The following KNL1 variants were observed in gnomAD, a reference collection of about 807,000 sequenced individuals.
KNL1 encodes the protein kinetochore scaffold 1, also known as outer kinetochore KNL1 complex subunit KNL1.
In KNL1, 66 loss-of-function variants were observed where a neutral mutation model predicts 201.3. The ratio of observed to expected loss-of-function variants is 0.33; its 90% CI spans 0.27 to 0.40. The LOEUF is 0.40. Among genes scored for constraint, KNL1 ranks in the 10% least tolerant of loss-of-function variants. The probability of loss-of-function intolerance (pLI) is 1.00; values close to 1 mark genes in which losing one functional copy is unlikely to be tolerated. For synonymous variants in KNL1, 895 were observed against 899.2 expected (o/e 1.00, Z 0.08); for missense variants, 2,815 against 2,690.5 (o/e 1.05, Z -1.02).
rs148683869 is a variant in KNL1 at position 40,651,410 on chromosome 15, T to C, written c.6213-61T>C. On this transcript the variant is annotated intron_variant, in intron 19 of 25. Transcript: ENST00000399668. ...GACTTCTTATCATAAACCTTTTATA[T>C]TGATAGAGTGAATTCTCTAACAAAA... is the stretch of plus-strand genomic sequence containing the variant. The C allele has an allele frequency of 1.2e-3, 1,303 of 1,107,878 alleles. 9 individuals are homozygous for C. The African/African-American group carries it at 0.019, about 16-fold the overall frequency. The allele number at this position is 1,107,878 out of a possible 1,614,324, so 68.6% of individuals were successfully genotyped here.
chr15:40,627,491 G>T (rs1313364219), intron 10 of KNL1, among the ~76,000 whole-genome samples: 1 of 150,268 alleles, frequency 6.7e-6, no homozygotes, highest in Non-Finnish European at 1.5e-5. Flanking sequence ...TCCAGCCTGG[G>T]CAACGGAGTG....
Position 40,623,100 on chromosome 15 carries a change from G to C in KNL1, c.2836G>C (p.Val946Leu), listed in dbSNP as rs368139453. Reference sequence around the variant, plus strand: ...GCCTATGGACAAAACTGTAGTGTTTGTAGATAATCATGTTGAACTAGAAAT... The same window carrying C: ...GCCTATGGACAAAACTGTAGTGTTTCTAGATAATCATGTTGAACTAGAAAT... ...TRPMDKTVVF[V>L]DNHVELEMTE... is the part of the protein sequence containing the mutation. Residue 946 changes from valine (V) to leucine (L), a missense_variant, in exon 10 of 26, where the codon GTA becomes CTA. Physicochemically the swap from Val to Leu is conservative, Grantham distance 32 (BLOSUM62 1). Transcript: ENST00000399668. The C allele has an allele frequency of 6.2e-7, 1 of 1,613,844 alleles. No homozygotes were observed. Among genetic ancestry groups the C allele is most frequent in the Non-Finnish European group, 8.5e-7 (1 of 1,179,862 alleles).
Position 40,624,208 on chromosome 15 carries a change from T to C in KNL1, c.3944T>C (p.Leu1315Ser), listed in dbSNP as rs746976352. The change falls in exon 10 of 26, where the codon TTG becomes TCG. Residue 1315 changes from leucine to serine, a missense_variant. Around this residue, in one of 3 missense-constraint regions of KNL1, gnomAD observed 2,464 missense variants for 2,291.7 expected, o/e 1.08. Transcript: ENST00000399668. ...AATGTTATTTCCTGTACTGATAATT[T>C]GGAGGGTAGTGCCATGCTCTTATGT... is the stretch of plus-strand genomic sequence containing the variant. ...LPNVISCTDN[L>S]EGSAMLLCDK... The C allele has an allele frequency of 3.1e-6, 5 of 1,613,982 alleles. 1 individual carries two copies. The South Asian group carries it at 5.5e-5, about 18-fold the overall frequency.
intron 1 of KNL1, 126 bp from the exon 2 acceptor site, chr15:40,602,789 C>T: frequency 1.8e-6 from 1 of 552,556 alleles, no homozygotes; most frequent in Non-Finnish European, 3.2e-6. Flanking sequence ...CCGGCCTTTC[C>T]TTCCCATCTT....
Position 40,623,453 on chromosome 15 carries a change from G to A in KNL1, c.3189G>A (p.Gln1063=). ...FLNEPLSSKS[Q]RRKSLKLKND... is the part of the protein sequence containing the mutation. ...ATGAACCTCTATCAAGCAAAAGTCAGAGAAGAAAAAGCCTTAAGCTAAAAA... is the reference window on the plus strand; with the variant it reads ...ATGAACCTCTATCAAGCAAAAGTCAAAGAAGAAAAAGCCTTAAGCTAAAAA... The change falls in exon 10 of 26, where the codon CAG becomes CAA. Residue 1063 remains glutamine, a synonymous_variant. Transcript: ENST00000399668. 6.2e-7 allele frequency: 1 copy of A among 1,611,138 alleles called. No homozygotes were observed. Among genetic ancestry groups the A allele is most frequent in the South Asian group, 1.1e-5 (1 of 90,736 alleles).
intron 14 of KNL1, among the ~76,000 whole-genome samples, chr15:40,641,724 A>C (rs1893234488): frequency 6.6e-6 from 1 of 152,204 alleles, no homozygotes; most frequent in African/African-American, 2.4e-5. Flanking sequence ...AATAGTCCAA[A>C]ATCCAAAACA....
chr15:40,623,737 C>T lies in KNL1; in HGVS notation c.3473C>T (p.Thr1158Ile), dbSNP rs771381638. Reference sequence around the variant, plus strand: ...CCCATGGACAAAACCGTATTGTTCACAGATAATTACAGTGATCTGGAAGTC... The same window carrying T: ...CCCATGGACAAAACCGTATTGTTCATAGATAATTACAGTGATCTGGAAGTC... ...IRPMDKTVLF[T>I]DNYSDLEVTD... The change falls in exon 10 of 26, where the codon ACA (threonine) becomes ATA (isoleucine). Residue 1158 changes from threonine (T) to isoleucine (I), a missense_variant. Transcript: ENST00000399668. 1.9e-6 allele frequency: 3 copies of T among 1,613,946 alleles called. No homozygotes were observed. The highest frequency in any genetic ancestry group is 2.2e-5 in the South Asian group (2 of 91,056).
At chr15:40,606,336 A>G (rs1891970354) in intron 3 of KNL1, 57 bp from the exon 4 acceptor site, 1 of 1,046,626 alleles carries the variant, frequency 9.6e-7, no homozygotes, top group Non-Finnish European at 1.5e-6. Context: ...CTTGAAATAA[A>G]CTGATTCTTA....
In KNL1 at chr15:40,621,947, TAGAA is replaced by T; in HGVS notation, c.1687_1690del (p.Lys563LeufsTer11). ...ATCCTTTGTCTATTTCATTGACTGATAGAAAGACTGAACTCTTATCAGGTGAAAA... is the reference window on the plus strand; with the variant it reads ...ATCCTTTGTCTATTTCATTGACTGATAGACTGAACTCTTATCAGGTGAAAA... On this transcript the variant is annotated frameshift_variant, in exon 10 of 26. Coordinates refer to ENST00000399668, the MANE Select transcript of KNL1 (RefSeq NM_144508.5). LOFTEE classifies it high-confidence loss of function. 6.2e-7 allele frequency: 1 copy of T among 1,613,864 alleles called. No homozygotes were observed. The highest frequency in any genetic ancestry group is 8.5e-7 in the Non-Finnish European group (1 of 1,179,816).
intron 14 of KNL1, 136 bp from the exon 15 acceptor site, chr15:40,644,861 C>G: frequency 2.0e-6 from 1 of 511,638 alleles, no homozygotes; most frequent in South Asian, 2.5e-5. Context: ...TTAACAACAT[C>G]TCAGCAAAAC....
chr15:40,636,090 G>A (rs997746521), intron 13 of KNL1, among the ~76,000 whole-genome samples: 2 of 151,802 alleles, frequency 1.3e-5, no homozygotes, highest in African/African-American at 4.8e-5. Flanking sequence ...TGCCTGCCTC[G>A]GCCTCCCAAA....
At position 40,661,999 on chromosome 15, in the gene KNL1, A is replaced by G. The variant is rs557281524; in HGVS notation, c.6837-75A>G. ...GAGCTTGCAGTGAGCGGATTGCGCC[A>G]CTGCACTCCAGCCTGGGCGACAGAG... On this transcript the variant is annotated intron_variant, in intron 25 of 25. Coordinates refer to ENST00000399668, the MANE Select transcript of KNL1 (RefSeq NM_144508.5). 17 of 785,984 alleles carry G rather than the reference A, an allele frequency of 2.2e-5. 1 individual carries two copies. In the South Asian group the frequency reaches 2.4e-4, roughly 11 times the overall value. The allele number at this position is 785,984 out of a possible 1,614,324, so 48.7% of individuals were successfully genotyped here.
At position 40,625,077 on chromosome 15, in the gene KNL1, A is replaced by G. The variant is rs1393440902; in HGVS notation, c.4813A>G (p.Ile1605Val). The change falls in exon 10 of 26, where the codon ATA becomes GTA. Residue 1605 changes from isoleucine (I) to valine (V), a missense_variant. Coordinates refer to ENST00000399668, the MANE Select transcript of KNL1 (RefSeq NM_144508.5). ...TATGCATATAGTGCAAGCTACAGAAATACATAATATTAACATAATCTCCAG... is the reference window on the plus strand; with the variant it reads ...TATGCATATAGTGCAAGCTACAGAAGTACATAATATTAACATAATCTCCAG... ...NDMHIVQATE[I>V]HNINIISSNA... 2 of 1,613,636 alleles carry G rather than the reference A, an allele frequency of 1.2e-6. No individual in the cohort carries two copies. The highest frequency in any genetic ancestry group is 4.5e-5 in the East Asian group (2 of 44,876).
intron 13 of KNL1, among the ~76,000 whole-genome samples, chr15:40,635,342 A>G (rs1017660637): frequency 1.3e-5 from 2 of 151,062 alleles, no homozygotes; most frequent in African/African-American, 4.9e-5. Flanking sequence ...TTGAGCCACC[A>G]TGCCCGGCCT....
chr15:40,633,973 A>G lies in KNL1; in HGVS notation c.5682+4602A>G, dbSNP rs1376977492. ...AGGAGATGATAGCTCCATGGGTGTT[A>G]TTATTTCTCAAGACCTTCCAGTAGG... On this transcript the variant is annotated intron_variant, in intron 13 of 25. Transcript: ENST00000399668. Among the ~76,000 whole-genome samples the G allele has an allele frequency of 2.6e-5, 4 of 152,236 alleles. No individual in the cohort carries two copies. The South Asian group carries it at 6.2e-4, about 24-fold the overall frequency.
In KNL1 at chr15:40,625,313, C is replaced by G. The variant is rs1892708608; in HGVS notation, c.5049C>G (p.His1683Gln). ...QIPADTTDIN[H>Q]LETQPVSSKD... The stretch of plus-strand genomic sequence containing the variant: ...CAGCAGACACAACTGATATAAATCA[C>G]TTAGAAACTCAGCCGGTCTCTAGCA... The change falls in exon 10 of 26, where the codon CAC becomes CAG. Residue 1683 changes from histidine (H) to glutamine (Q), a missense_variant. Transcript: ENST00000399668. 1 of 1,614,038 alleles carries G rather than the reference C, an allele frequency of 6.2e-7. No individual in the cohort carries two copies. The highest frequency in any genetic ancestry group is 2.2e-5 in the East Asian group (1 of 44,866).
Position 40,625,143 on chromosome 15 carries a change from C to T in KNL1, c.4879C>T (p.His1627Tyr). 1 of 1,614,030 alleles carries T rather than the reference C, an allele frequency of 6.2e-7. No individual in the cohort carries two copies. Among genetic ancestry groups the T allele is most frequent in the South Asian group, 1.1e-5 (1 of 91,054 alleles). ...TAGAGATGAGGAAAATAAAAAGTCT[C>T]ATAATGGAGCTGAAACCACCTCTCT... is the stretch of plus-strand genomic sequence containing the variant. Reference protein sequence around the residue: ...DSRDEENKKSHNGAETTSLPP... With the variant: ...DSRDEENKKSYNGAETTSLPP... Residue 1627 changes from histidine to tyrosine, a missense_variant, in exon 10 of 26, where the codon CAT (histidine) becomes TAT (tyrosine). His to Tyr is a moderately conservative substitution (Grantham distance 83). Around this residue, in one of 3 missense-constraint regions of KNL1, gnomAD observed 2,464 missense variants for 2,291.7 expected, o/e 1.08. Coordinates refer to ENST00000399668, the MANE Select transcript of KNL1 (RefSeq NM_144508.5).
rs752019033 is a variant in KNL1, at chr15:40,625,220, C to G, written c.4956C>G (p.Ile1652Met). ...AAGTAAGGAGATGTTCTTTGGGAAT[C>G]TTTTTGCCTAGATTGCCCAACAAGA... ...KDKVRRCSLG[I>M]FLPRLPNKRN... The change falls in exon 10 of 26, where the codon ATC becomes ATG. Residue 1652 changes from isoleucine (I) to methionine (M), a missense_variant. Around this residue, in one of 3 missense-constraint regions of KNL1, gnomAD observed 2,464 missense variants for 2,291.7 expected, o/e 1.08. Coordinates refer to ENST00000399668, the MANE Select transcript of KNL1 (RefSeq NM_144508.5). 59 of 1,613,822 alleles carry G rather than the reference C, an allele frequency of 3.7e-5. No homozygotes were observed. The highest frequency in any genetic ancestry group is 5.0e-5 in the Non-Finnish European group (59 of 1,179,928).
intron 24 of KNL1, among the ~76,000 whole-genome samples, chr15:40,658,667 G>A (rs1213535459): frequency 1.3e-5 from 2 of 148,484 alleles, no homozygotes; most frequent in African/African-American, 2.5e-5. Context: ...TGGCTCACAT[G>A]AGCCTGTAAT....
Sources: gnomAD v4.1 joint callset for allele counts (sites outside exome capture counted in the v4.1 genomes callset) on GRCh38, gnomAD v4.1.1 for gene constraint, gnomAD v4.1.1 regional missense constraint, MANE v1.5 for transcripts, NCBI Gene and HGNC (gene_info 2026-07-23, HGNC 2026-07-21) for gene names.